The following TTLL11 variants were observed in gnomAD, a reference collection of about 807,000 sequenced individuals.
The protein encoded by TTLL11 is tubulin tyrosine ligase like 11, also known as tubulin polyglutamylase TTLL11.
Under a neutral mutation model 51.7 loss-of-function variants are expected in TTLL11, and 42 were observed. The observed-to-expected ratio is 0.81, with a 90% confidence interval of 0.64 to 1.05. The LOEUF is 1.05. Ranked by LOEUF, TTLL11 falls within the 50% of genes least tolerant of loss-of-function variation. The probability of loss-of-function intolerance (pLI) is 0.00; values close to 1 mark genes in which losing one functional copy is unlikely to be tolerated. For missense variants in TTLL11, 799 were observed against 940.4 expected, an observed-to-expected ratio of 0.85 and a Z score of 1.97; for synonymous variants, 381 against 383.5, an observed-to-expected ratio of 0.99 and a Z score of 0.08.
rs12000425 is a variant in TTLL11 at position 121,832,665 on chromosome 9, T to G, written c.1841-9786A>C. Among the ~76,000 whole-genome samples the G allele has an allele frequency of 6.4e-3, 981 of 152,270 alleles. 9 individuals carry two copies. Among genetic ancestry groups the G allele is most frequent in the African/African-American group, 0.023 (940 of 41,564 alleles). The stretch of plus-strand genomic sequence containing the variant: ...GAGAGTTTTCGAAGATTTGGCCAGG[T>G]GCAGTGGCTCATGCCTGTAATCCCA... On this transcript the variant is annotated intron_variant, in intron 8 of 8. Coordinates refer to ENST00000321582, the MANE Select transcript of TTLL11 (RefSeq NM_001139442.2).
intron 1 of TTLL11, among the ~76,000 whole-genome samples, chr9:122,087,060 G>C (rs1439669169): frequency 6.6e-6 from 1 of 152,234 alleles, no homozygotes; most frequent in Admixed American, 6.5e-5. Context: ...GGATGGCTCT[G>C]CCACTGGTTA....
chr9:121,859,242 G>A (rs1837928608), intron 8 of TTLL11, among the ~76,000 whole-genome samples: 1 of 151,876 alleles, frequency 6.6e-6, no homozygotes, highest in Non-Finnish European at 1.5e-5. Flanking sequence ...TGTAATCTCA[G>A]CACTTTGGGA....
Position 122,093,180 on chromosome 9 carries a change from A to ACCGCCG in TTLL11, c.-38_-33dup, listed in dbSNP as rs752683967. On this transcript the variant is annotated 5_prime_UTR_variant, in exon 1 of 9. Coordinates refer to ENST00000321582, the MANE Select transcript of TTLL11 (RefSeq NM_001139442.2). ...CAGGGCCGGGGCCAGTGCCAGTGCC[A>ACCGCCG]CCGCCGCCGCCGCCGCCGCTCCGCC... 7.0e-5 allele frequency: 104 copies of ACCGCCG among 1,486,068 alleles called. No homozygotes were observed. In the East Asian group the frequency reaches 2.0e-3, roughly 28 times the overall value. The allele number at this position is 1,486,068 out of a possible 1,614,324, so 92.1% of individuals were successfully genotyped here. A position where few individuals can be genotyped will look rare whatever the true frequency, so the allele number is the denominator to read the frequency against.
chr9:121,820,535 G>A lies in TTLL11; in HGVS notation c.*2052C>T, dbSNP rs1375355587. 6.6e-6 allele frequency among the ~76,000 whole-genome samples: 1 copy of A among 152,172 alleles called. No individual in the cohort carries two copies. The highest frequency in any genetic ancestry group is 1.5e-5 in the Non-Finnish European group (1 of 68,020). Reference sequence around the variant, plus strand: ...ACCATGACGGACCCCAGGCAGCCCCGAGCGGGGTAGCTGCAGGGTCTTTAC... The same window carrying A: ...ACCATGACGGACCCCAGGCAGCCCCAAGCGGGGTAGCTGCAGGGTCTTTAC... On this transcript the variant is annotated 3_prime_UTR_variant, in exon 9 of 9. Coordinates refer to ENST00000321582, the MANE Select transcript of TTLL11 (RefSeq NM_001139442.2).
At chr9:121,990,714 C>T (rs965656299) in intron 3 of TTLL11, among the ~76,000 whole-genome samples, 2 of 152,170 alleles carry the variant, frequency 1.3e-5, no homozygotes, top group Non-Finnish European at 2.9e-5. Flanking sequence ...TGTTTACATC[C>T]CTTCTAAAGT....
intron 1 of TTLL11, among the ~76,000 whole-genome samples, chr9:122,062,179 G>T (rs1189105320): frequency 6.6e-6 from 1 of 152,108 alleles, no homozygotes; most frequent in African/African-American, 2.4e-5. Context: ...AGAGTGCACT[G>T]AGGGGCTCGA....
chr9:122,014,070 T>C (rs1193462277), intron 3 of TTLL11, among the ~76,000 whole-genome samples: 1 of 152,136 alleles, frequency 6.6e-6, no homozygotes. Context: ...GGTAGAGTCC[T>C]GACTTGAACC....
chr9:121,816,794 T>G lies in TTLL11; in HGVS notation c.*5793A>C, dbSNP rs1360409917. The G allele has an allele frequency of 6.6e-6, 1 of 152,118 alleles. No individual in the cohort carries two copies. The highest frequency in any genetic ancestry group is 1.5e-5 in the Non-Finnish European group (1 of 68,020). 9.4% of individuals were successfully genotyped at this position (152,118 alleles called of 1,614,324 possible). ...AATCAAGACTTTTGGCTACTAGAGA[T>G]AAAGGTAAATGAAGACGTGGCCTAT... is the stretch of plus-strand genomic sequence containing the variant. On this transcript the variant is annotated 3_prime_UTR_variant, in exon 9 of 9. Coordinates refer to ENST00000321582, the MANE Select transcript of TTLL11 (RefSeq NM_001139442.2).
intron 3 of TTLL11, among the ~76,000 whole-genome samples, chr9:122,022,401 T>C (rs1209591286): frequency 2.0e-5 from 3 of 151,770 alleles, no homozygotes; most frequent in African/African-American, 4.8e-5. Context: ...AAAAAGAATG[T>C]TATATAAAGA....
intron 6 of TTLL11, among the ~76,000 whole-genome samples, chr9:121,893,787 G>A (rs1354190166): frequency 1.3e-5 from 2 of 152,204 alleles, no homozygotes; most frequent in Non-Finnish European, 2.9e-5. Context: ...AGCTTTGAAA[G>A]CTTAAGCTTA....
At chr9:121,935,269 T>C (rs2131563865) in intron 6 of TTLL11, among the ~76,000 whole-genome samples, 1 of 152,204 alleles carries the variant, frequency 6.6e-6, no homozygotes, top group East Asian at 1.9e-4. Flanking sequence ...CTGTCTTAAG[T>C]AGTAATAAGC....
chr9:122,010,700 A>G (rs1843769785), intron 3 of TTLL11, among the ~76,000 whole-genome samples: 1 of 152,220 alleles, frequency 6.6e-6, no homozygotes. Context: ...ACAGCTTTCC[A>G]TGGGCATTTG....
At chr9:122,045,110 G>GA (rs928219494) in intron 1 of TTLL11, among the ~76,000 whole-genome samples, 4 of 150,822 alleles carry the variant, frequency 2.7e-5, no homozygotes, top group Admixed American at 1.3e-4. Context: ...TAAAAAAAAA[G>GA]AAAAAAAATC....
chr9:121,993,683 A>T (rs1843175545), intron 3 of TTLL11, among the ~76,000 whole-genome samples: 1 of 152,208 alleles, frequency 6.6e-6, no homozygotes, highest in Non-Finnish European at 1.5e-5. Flanking sequence ...GAGATTTATG[A>T]TGCATTTGAG....
chr9:121,895,671 TTA>T lies in TTLL11; in HGVS notation c.1482-24925_1482-24924del, dbSNP rs375524764. On this transcript the variant is annotated intron_variant, in intron 6 of 8. Coordinates refer to ENST00000321582, the MANE Select transcript of TTLL11 (RefSeq NM_001139442.2). Reference sequence around the variant, plus strand: ...TGTGTGTATGTGTGGTTGTGTGTGTTTATGTGTGTCTGTGTGAATGTGTGATT... The same window carrying T: ...TGTGTGTATGTGTGGTTGTGTGTGTTTGTGTGTCTGTGTGAATGTGTGATT... Among the ~76,000 whole-genome samples, 448 of 140,842 alleles carry T rather than the reference TTA, an allele frequency of 3.2e-3. 5 individuals are homozygous for T. The highest frequency in any genetic ancestry group is 0.011 in the African/African-American group (429 of 37,970). 92.4% of individuals were successfully genotyped at this position (140,842 alleles called of 152,430 possible). A position where few individuals can be genotyped will look rare whatever the true frequency, so the allele number is the denominator to read the frequency against.
At chr9:122,075,057 G>A (rs975261859) in intron 1 of TTLL11, among the ~76,000 whole-genome samples, 1 of 152,092 alleles carries the variant, frequency 6.6e-6, no homozygotes, top group African/African-American at 2.4e-5. Context: ...ATAATCTGCT[G>A]TTTGCTTACT....
chr9:121,912,017 A>G lies in TTLL11; in HGVS notation c.1482-41269T>C, dbSNP rs189302044. On this transcript the variant is annotated intron_variant, in intron 6 of 8. Transcript: ENST00000321582. ...CACTGTATGGATAGGGCATTGGAGC[A>G]TTAACAAATATTTGCAAGCTTCTAC... Among the ~76,000 whole-genome samples the G allele has an allele frequency of 2.8e-4, 43 of 152,372 alleles. No homozygotes were observed. The Middle Eastern group carries it at 0.014, about 48-fold the overall frequency.
chr9:122,034,494 C>T (rs192267837), intron 2 of TTLL11, among the ~76,000 whole-genome samples: 1 of 152,218 alleles, frequency 6.6e-6, no homozygotes, highest in Non-Finnish European at 1.5e-5. Flanking sequence ...CACTCCAAAC[C>T]TGCCTGAATG....
chr9:121,961,138 A>G (rs1842205209), intron 6 of TTLL11, among the ~76,000 whole-genome samples: 1 of 152,210 alleles, frequency 6.6e-6, no homozygotes, highest in Non-Finnish European at 1.5e-5. Context: ...ACAGATCATT[A>G]GAAGAAAATC....
Sources: allele counts gnomAD v4.1 joint callset (sites outside exome capture counted in the v4.1 genomes callset), GRCh38; gene constraint gnomAD v4.1.1; transcripts MANE v1.5; gene names NCBI Gene and HGNC (gene_info 2026-07-23, HGNC 2026-07-21).